Variants in NALF1 observed in about 807,000 individuals in gnomAD.
The protein encoded by NALF1 is NALCN channel auxiliary factor 1.
A neutral mutation model predicts 48.4 loss-of-function variants in NALF1; 3 were observed. That is an observed-to-expected ratio of 0.06 (90% CI 0.03 to 0.16). NALF1 has a LOEUF of 0.16. NALF1 is among the 10% of genes least tolerant of loss of function. The pLI, the probability that NALF1 is intolerant of heterozygous loss-of-function variation, is 1.00. For synonymous variants in NALF1, 262 were observed against 245.7 expected, an observed-to-expected ratio of 1.07 and a Z score of -0.62; for missense variants, 526 against 571.5, an observed-to-expected ratio of 0.92 and a Z score of 0.81.
intron 1 of NALF1, among the ~76,000 whole-genome samples, chr13:107,318,069 G>A (rs1412397934): frequency 6.6e-6 from 1 of 151,966 alleles, no homozygotes; most frequent in East Asian, 1.9e-4. Context: ...TGCAAATACG[G>A]TAAGGAGATA....
At chr13:107,372,036 G>C (rs536130644) in intron 1 of NALF1, among the ~76,000 whole-genome samples, 17 of 152,228 alleles carry the variant, frequency 1.1e-4, no homozygotes, top group Admixed American at 2.0e-4. Context: ...GAGCTGAATA[G>C]GGCACTGTTT....
intron 1 of NALF1, among the ~76,000 whole-genome samples, chr13:107,288,313 G>A (rs1209954792): frequency 7.1e-6 from 1 of 140,418 alleles, no homozygotes; most frequent in African/African-American, 2.6e-5. Context: ...TCCGCCTCCC[G>A]GGTTCACGCC....
chr13:107,280,755 T>C lies in NALF1; in HGVS notation c.916-70000A>G, dbSNP rs147260655. ...AGCTCTAATTAAACGGCAAATAGTC[T>C]CGAAAAAAAGTAGTTTGTATCTCTT... is the stretch of plus-strand genomic sequence containing the variant. On this transcript the variant is annotated intron_variant, in intron 1 of 2. Transcript: ENST00000375915. Among the ~76,000 whole-genome samples the C allele has an allele frequency of 4.7e-3, 712 of 152,254 alleles. 5 individuals are homozygous for C. Among genetic ancestry groups the C allele is most frequent in the African/African-American group, 0.016 (683 of 41,534 alleles).
At chr13:107,831,313 T>G (rs1879720451) in intron 1 of NALF1, among the ~76,000 whole-genome samples, 1 of 152,082 alleles carries the variant, frequency 6.6e-6, no homozygotes, top group South Asian at 2.1e-4. Context: ...CTTGAGAAAC[T>G]AAAGAAATCA....
In NALF1 at chr13:107,418,337, A is replaced by C. The variant is rs138074004; in HGVS notation, c.916-207582T>G. On this transcript the variant is annotated intron_variant, in intron 1 of 2. Coordinates refer to ENST00000375915, the MANE Select transcript of NALF1 (RefSeq NM_001080396.3). ...ACTTACTGCCTTAGTTCTGATGAAA[A>C]GGCTATGGCAGAAGTGACAGGATGC... 1.7e-3 allele frequency among the ~76,000 whole-genome samples: 263 copies of C among 152,120 alleles called. 1 individual carries two copies. Among genetic ancestry groups the C allele is most frequent in the African/African-American group, 5.8e-3 (242 of 41,502 alleles).
At chr13:107,333,208 C>A (rs1882500600) in intron 1 of NALF1, among the ~76,000 whole-genome samples, 1 of 152,136 alleles carries the variant, frequency 6.6e-6, no homozygotes, top group Non-Finnish European at 1.5e-5. Flanking sequence ...AATGTTGATT[C>A]ATGAACATTG....
At chr13:107,665,127 T>TA (rs552066583) in intron 1 of NALF1, among the ~76,000 whole-genome samples, 193 of 152,282 alleles carry the variant, frequency 1.3e-3, no homozygotes, top group African/African-American at 4.5e-3. Flanking sequence ...CCAATTTTCT[T>TA]ACTGTAGAAG....
intron 1 of NALF1, among the ~76,000 whole-genome samples, chr13:107,619,359 G>A (rs1879465432): frequency 6.6e-6 from 1 of 152,194 alleles, no homozygotes; most frequent in Non-Finnish European, 1.5e-5. Flanking sequence ...ACCTGGGTTT[G>A]TGAGAATCAG....
At position 107,293,699 on chromosome 13, in the gene NALF1, C is replaced by T. The variant is rs149116050; in HGVS notation, c.916-82944G>A. Among the ~76,000 whole-genome samples, 7 of 152,194 alleles carry T rather than the reference C, an allele frequency of 4.6e-5. No homozygotes were observed. In the East Asian group the frequency reaches 5.8e-4, roughly 13 times the overall value. On this transcript the variant is annotated intron_variant, in intron 1 of 2. Coordinates refer to ENST00000375915, the MANE Select transcript of NALF1 (RefSeq NM_001080396.3). ...TATTCTCTTACATCCTTGTGAAAAA[C>T]GGGGAATTTTCTTGGAACCAACCCT...
intron 1 of NALF1, among the ~76,000 whole-genome samples, chr13:107,388,411 T>C (rs973305352): frequency 1.3e-5 from 2 of 152,216 alleles, no homozygotes; most frequent in Middle Eastern, 3.2e-3. Context: ...CCTGGGGAGC[T>C]ATGCTGGTGC....
At chr13:107,749,203 AC>A (rs1876866751) in intron 1 of NALF1, among the ~76,000 whole-genome samples, 1 of 151,198 alleles carries the variant, frequency 6.6e-6, no homozygotes, top group Non-Finnish European at 1.5e-5. Context: ...ACGCTGAGAA[AC>A]CTTTCTAACT....
At chr13:107,459,076 T>C (rs1884873944) in intron 1 of NALF1, among the ~76,000 whole-genome samples, 1 of 151,936 alleles carries the variant, frequency 6.6e-6, no homozygotes, top group Non-Finnish European at 1.5e-5. Context: ...TCATTAAAAT[T>C]AAAACCTTCT....
At chr13:107,771,248 T>TTGTGTG (rs147526327) in intron 1 of NALF1, among the ~76,000 whole-genome samples, 2 of 150,928 alleles carry the variant, frequency 1.3e-5, no homozygotes, top group African/African-American at 4.9e-5. Flanking sequence ...TTTTAACATG[T>TTGTGTG]TGTGTGTGTG....
intron 1 of NALF1, among the ~76,000 whole-genome samples, chr13:107,758,710 A>G (rs1300383766): frequency 6.6e-6 from 1 of 152,044 alleles, no homozygotes; most frequent in Non-Finnish European, 1.5e-5. Flanking sequence ...ACAGAGCGAG[A>G]CTCCATCTCA....
rs12429250 is a variant in NALF1, at chr13:107,385,355, C to T, written c.916-174600G>A. Among the ~76,000 whole-genome samples the T allele has an allele frequency of 4.2e-3, 643 of 152,074 alleles. 9 individuals are homozygous for T. The highest frequency in any genetic ancestry group is 0.03 in the Admixed American group (456 of 15,276). ...ATCACTTGAGGTCAGGAGTTCAAGA[C>T]CAGCCTGGCCAACACGGCAAAACTC... On this transcript the variant is annotated intron_variant, in intron 1 of 2. Coordinates refer to ENST00000375915, the MANE Select transcript of NALF1 (RefSeq NM_001080396.3).
At chr13:107,695,971 AC>A (rs1210626996) in intron 1 of NALF1, among the ~76,000 whole-genome samples, 1 of 149,460 alleles carries the variant, frequency 6.7e-6, no homozygotes, top group African/African-American at 2.5e-5. Context: ...ACCTTAGCTC[AC>A]TGCAACCTCT....
At chr13:107,319,865 A>G (rs1012482192) in intron 1 of NALF1, among the ~76,000 whole-genome samples, 2 of 152,072 alleles carry the variant, frequency 1.3e-5, no homozygotes, top group African/African-American at 4.8e-5. Context: ...TTGGATTCCA[A>G]CTTAGGTGAG....
rs539299279 is a variant in NALF1, at chr13:107,390,802, A to G, written c.916-180047T>C. Among the ~76,000 whole-genome samples, 5 of 152,208 alleles carry G rather than the reference A, an allele frequency of 3.3e-5. No homozygotes were observed. The South Asian group carries it at 1.0e-3, about 32-fold the overall frequency. ...AGCCAGAAGTTGCAGGAAGCTTTAGATACAATAGGGTATTTGTAAAACAAT... is the reference window on the plus strand; with the variant it reads ...AGCCAGAAGTTGCAGGAAGCTTTAGGTACAATAGGGTATTTGTAAAACAAT... On this transcript the variant is annotated intron_variant, in intron 1 of 2. Coordinates refer to ENST00000375915, the MANE Select transcript of NALF1 (RefSeq NM_001080396.3).
intron 1 of NALF1, among the ~76,000 whole-genome samples, chr13:107,450,449 T>G (rs1461901236): frequency 6.6e-6 from 1 of 151,842 alleles, no homozygotes; most frequent in Admixed American, 6.6e-5. Context: ...AAGGCTGAGA[T>G]GTGAATAGAG....
Sources: allele counts gnomAD v4.1 joint callset (sites outside exome capture counted in the v4.1 genomes callset), GRCh38; gene constraint gnomAD v4.1.1; transcripts MANE v1.5; gene names NCBI Gene and HGNC (gene_info 2026-07-23, HGNC 2026-07-21).